The following DNAH14 variants were observed in gnomAD, a reference collection of about 807,000 sequenced individuals.
DNAH14 encodes dynein axonemal heavy chain 14.
Under a neutral mutation model 520.9 loss-of-function variants are expected in DNAH14, and 478 were observed. The observed-to-expected ratio is 0.92, with a 90% CI of 0.85 to 0.99. The LOEUF (loss-of-function observed/expected upper bound fraction) is 0.99. DNAH14 is among the 50% of genes least tolerant of loss of function. DNAH14 has a pLI of 0.00. For synonymous variants in DNAH14, 1,581 were observed against 1,757.2 expected (o/e 0.90, Z 2.51); for missense variants, 4,831 against 5,234.5 (o/e 0.92, Z 2.38).
At chr1:225,384,566 A>C (rs1471148703) in intron 81 of DNAH14, among the ~76,000 whole-genome samples, 1 of 152,214 alleles carries the variant, frequency 6.6e-6, no homozygotes, top group African/African-American at 2.4e-5. Context: ...ATCCCACAGA[A>C]ATACAAACTA....
At chr1:225,393,806 CTTTTTTTGT>C (rs1416580136) in intron 84 of DNAH14, among the ~76,000 whole-genome samples, 1 of 120,930 alleles carries the variant, frequency 8.3e-6, no homozygotes, top group African/African-American at 2.8e-5. Context: ...AGTGATATAT[CTTTTTTTGT>C]TTTTTTTTTG....
chr1:225,309,513 C>T (rs2094314870), intron 60 of DNAH14, among the ~76,000 whole-genome samples: 1 of 152,266 alleles, frequency 6.6e-6, no homozygotes, highest in South Asian at 2.1e-4. Flanking sequence ...TTCCCCTCTT[C>T]CATTAAGGTG....
chr1:225,303,856 A>C (rs1210401124), intron 57 of DNAH14, among the ~76,000 whole-genome samples: 1 of 152,196 alleles, frequency 6.6e-6, no homozygotes, highest in Admixed American at 6.5e-5. Flanking sequence ...AAAGGGGGTA[A>C]GAAGTGTTGA....
intron 64 of DNAH14, among the ~76,000 whole-genome samples, chr1:225,329,005 G>T (rs1447240627): frequency 6.6e-6 from 1 of 152,128 alleles, no homozygotes; most frequent in Admixed American, 6.6e-5. Context: ...TAAAAAAAGA[G>T]AAATTACCAA....
At chr1:225,209,845 A>G (rs1371984705) in intron 41 of DNAH14, among the ~76,000 whole-genome samples, 1 of 152,144 alleles carries the variant, frequency 6.6e-6, no homozygotes, top group Non-Finnish European at 1.5e-5. Flanking sequence ...GTAGCCCACA[A>G]AGGGCGAGCA....
chr1:225,051,336 A>C, intron 16 of DNAH14, 115 bp from the exon 17 acceptor site: 1 of 704,038 alleles, frequency 1.4e-6, no homozygotes, highest in Non-Finnish European at 2.1e-6. Context: ...AGGTTCTTAA[A>C]ATAAACTCCA....
intron 68 of DNAH14, 81 bp downstream of exon 68, chr1:225,338,263 G>T: frequency 6.7e-7 from 1 of 1,484,372 alleles, no homozygotes; most frequent in Non-Finnish European, 9.2e-7. Context: ...TTTCAGTCCT[G>T]TCAAGCTTCT....
chr1:224,942,415 G>C (rs1192917954), intron 1 of DNAH14, among the ~76,000 whole-genome samples: 2 of 152,146 alleles, frequency 1.3e-5, no homozygotes, highest in Non-Finnish European at 2.9e-5. Flanking sequence ...CTGAGACGAT[G>C]GGGTTTTCTA....
At chr1:224,976,952 T>G (rs1266534739) in intron 8 of DNAH14, among the ~76,000 whole-genome samples, 1 of 151,396 alleles carries the variant, frequency 6.6e-6, no homozygotes, top group Non-Finnish European at 1.5e-5. Context: ...GATCTGGAAC[T>G]AGAAATACCA....
chr1:225,289,780 G>T, intron 54 of DNAH14, 105 bp from the exon 55 acceptor site: 1 of 705,486 alleles, frequency 1.4e-6, no homozygotes, highest in Non-Finnish European at 2.0e-6. Flanking sequence ...ATAGTCTGGG[G>T]TATTTTTACA....
intron 44 of DNAH14, among the ~76,000 whole-genome samples, chr1:225,256,874 G>A (rs2092754760): frequency 1.3e-5 from 2 of 151,808 alleles, no homozygotes; most frequent in African/African-American, 4.8e-5. Flanking sequence ...ACAAATCAAA[G>A]TAAAAGACCA....
intron 8 of DNAH14, among the ~76,000 whole-genome samples, chr1:224,977,039 G>A (rs1320216430): frequency 4.9e-4 from 74 of 151,154 alleles, no homozygotes; most frequent in East Asian, 5.8e-4. Context: ...ACATGCACAC[G>A]TATGTTTATT....
chr1:225,084,715 C>T (rs1443529989), intron 20 of DNAH14, among the ~76,000 whole-genome samples: 10 of 145,420 alleles, frequency 6.9e-5, no homozygotes, highest in Admixed American at 6.4e-4. Context: ...CTGAAACCAC[C>T]CAGCTATTAT....
rs551513000 is a variant in DNAH14 at position 225,302,364 on chromosome 1, CA to C, written c.8632-784del. 2.9e-3 allele frequency among the ~76,000 whole-genome samples: 435 copies of C among 150,722 alleles called. 4 individuals are homozygous for C. The highest frequency in any genetic ancestry group is 0.023 in the East Asian group (116 of 5,150). ...TTTGCCTTTATAAATTTGTTAAAGA[CA>C]AAAAAAAGGAAAAAAAATCTTGCCT... On this transcript the variant is annotated intron_variant, in intron 56 of 85. Coordinates refer to ENST00000682510, the MANE Select transcript of DNAH14 (RefSeq NM_001367479.1).
chr1:225,061,163 C>G (rs1455343968), intron 17 of DNAH14, among the ~76,000 whole-genome samples: 2 of 152,212 alleles, frequency 1.3e-5, no homozygotes, highest in Non-Finnish European at 2.9e-5. Flanking sequence ...GGGCCCCACC[C>G]AGTTCGAGCT....
intron 17 of DNAH14, among the ~76,000 whole-genome samples, chr1:225,063,725 A>T (rs1185956750): frequency 1.1e-4 from 16 of 152,186 alleles, no homozygotes; most frequent in South Asian, 2.1e-4. Flanking sequence ...GACAAAAGTT[A>T]TCTGAAAAAT....
intron 27 of DNAH14, among the ~76,000 whole-genome samples, chr1:225,131,766 A>G (rs2078449160): frequency 6.6e-6 from 1 of 152,212 alleles, no homozygotes; most frequent in Non-Finnish European, 1.5e-5. Context: ...AGGGAAAACT[A>G]GGAAGTTGTG....
Position 225,303,201 on chromosome 1 carries a change from G to T in DNAH14, c.8677G>T (p.Gly2893Ter). ...TATTTTTGTGATCATGAGTCCTGAAGGACCTAGCTTCCGCCAAAATTGTAG... is the reference window on the plus strand; with the variant it reads ...TATTTTTGTGATCATGAGTCCTGAATGACCTAGCTTCCGCCAAAATTGTAG... The part of the protein sequence containing the change: ...LHIFVIMSPE[G>*]PSFRQNCRVY... The change falls in exon 57 of 86, where the codon GGA becomes TGA. Residue 2893 changes from glycine (G) to a stop codon, truncating the protein, a stop_gained. Coordinates refer to ENST00000682510, the MANE Select transcript of DNAH14 (RefSeq NM_001367479.1). LOFTEE classifies it high-confidence loss of function. The T allele has an allele frequency of 1.3e-6, 2 of 1,532,960 alleles. No homozygotes were observed. The highest frequency in any genetic ancestry group is 1.8e-6 in the Non-Finnish European group (2 of 1,140,000). The allele number at this position is 1,532,960 out of a possible 1,614,324, so 95.0% of individuals were successfully genotyped here. A position where few individuals can be genotyped will look rare whatever the true frequency, so the allele number is the denominator to read the frequency against.
chr1:224,952,953 G>A, intron 2 of DNAH14, 174 bp downstream of exon 2: 3 of 428,128 alleles, frequency 7.0e-6, no homozygotes, highest in Non-Finnish European at 1.2e-5. Flanking sequence ...TGATAAGACA[G>A]GCAAATTAAC....
Sources: gnomAD v4.1 joint callset for allele counts (sites outside exome capture counted in the v4.1 genomes callset) on GRCh38, gnomAD v4.1.1 for gene constraint, MANE v1.5 for transcripts, NCBI Gene and HGNC (gene_info 2026-07-23, HGNC 2026-07-21) for gene names.